PCDH15: variants seen among roughly 807,000 people sequenced by gnomAD.
The protein encoded by PCDH15 is protocadherin related 15.
In PCDH15, 129 loss-of-function variants were observed where a neutral mutation model predicts 178.5. The ratio of observed to expected loss-of-function variants is 0.72; its 90% CI spans 0.63 to 0.84. The LOEUF (loss-of-function observed/expected upper bound fraction) is 0.84, where lower values mean the gene tolerates loss of function less well. PCDH15 is among the 40% of genes least tolerant of loss of function. The pLI is 0.00. For synonymous variants in PCDH15, 800 were observed against 732.0 expected, an observed-to-expected ratio of 1.09 and a Z score of -1.50; for missense variants, 2,230 against 2,099.9, an observed-to-expected ratio of 1.06 and a Z score of -1.21.
chr10:54,703,113 A>G (rs1243635985), intron 1 of PCDH15, among the ~76,000 whole-genome samples: 1 of 152,102 alleles, frequency 6.6e-6, no homozygotes, highest in Admixed American at 6.6e-5. Flanking sequence ...CATCAACATA[A>G]TTCACAACAA....
intron 25 of PCDH15, among the ~76,000 whole-genome samples, chr10:53,924,553 G>A (rs1429154960): frequency 6.6e-6 from 1 of 152,252 alleles, no homozygotes; most frequent in African/African-American, 2.4e-5. Flanking sequence ...CCCAAGGGCT[G>A]AGGAGTGCGG....
intron 2 of PCDH15, among the ~76,000 whole-genome samples, chr10:55,001,929 G>A (rs1263097402): frequency 6.6e-6 from 1 of 152,184 alleles, no homozygotes; most frequent in Non-Finnish European, 1.5e-5. Flanking sequence ...TATTCAAATG[G>A]ATTAAGTAGT....
chr10:55,061,534 G>A (rs1841431915), intron 2 of PCDH15, among the ~76,000 whole-genome samples: 1 of 152,102 alleles, frequency 6.6e-6, no homozygotes, highest in Non-Finnish European at 1.5e-5. Context: ...GTATGATCTA[G>A]CAATCACACT....
At chr10:54,672,754 T>C (rs2094699472) in intron 1 of PCDH15, among the ~76,000 whole-genome samples, 1 of 152,132 alleles carries the variant, frequency 6.6e-6, no homozygotes. Context: ...ATATGATCAA[T>C]TATATACAAT....
intron 2 of PCDH15, among the ~76,000 whole-genome samples, chr10:55,504,097 G>A (rs184758518): frequency 1.2e-3 from 183 of 151,400 alleles, no homozygotes; most frequent in African/African-American, 4.2e-3. Context: ...ATGAATACAT[G>A]TTATACCTTT....
At chr10:54,535,204 TTG>T (rs2084344763) in intron 2 of PCDH15, among the ~76,000 whole-genome samples, 2 of 152,186 alleles carry the variant, frequency 1.3e-5, no homozygotes, top group African/African-American at 4.8e-5. Context: ...TAAAACAACA[TTG>T]TCTAGTAATA....
At chr10:55,152,179 A>T (rs1838744337) in intron 2 of PCDH15, among the ~76,000 whole-genome samples, 1 of 152,148 alleles carries the variant, frequency 6.6e-6, no homozygotes, top group Admixed American at 6.6e-5. Flanking sequence ...AAAGTAATAT[A>T]TTTCATAAAC....
chr10:55,083,020 G>A (rs1376592296), intron 2 of PCDH15, among the ~76,000 whole-genome samples: 2 of 151,762 alleles, frequency 1.3e-5, no homozygotes, highest in African/African-American at 4.8e-5. Flanking sequence ...AAATGAAAGA[G>A]TTCAGAATAC....
intron 13 of PCDH15, 140 bp downstream of exon 13, chr10:54,183,304 A>G: frequency 3.5e-6 from 3 of 859,628 alleles, no homozygotes; most frequent in South Asian, 1.4e-5. Flanking sequence ...ACAGAAATTT[A>G]AAGCTATTTA....
intron 2 of PCDH15, among the ~76,000 whole-genome samples, chr10:54,638,973 G>C (rs2134893950): frequency 6.6e-6 from 1 of 152,192 alleles, no homozygotes; most frequent in Non-Finnish European, 1.5e-5. Flanking sequence ...TCACTTGTAA[G>C]TGGAAGCTAA....
chr10:54,702,539 A>G (rs4935544), intron 1 of PCDH15, among the ~76,000 whole-genome samples: 9,381 of 111,808 alleles, frequency 0.084, 436 homozygotes, highest in Non-Finnish European at 0.12. Context: ...ATTCCACAGA[A>G]ATACAAAAAA....
Position 54,214,307 on chromosome 10 carries a change from T to A in PCDH15, c.986-259A>T, listed in dbSNP as rs2384421. On this transcript the variant is annotated intron_variant, in intron 9 of 37. Coordinates refer to ENST00000644397, the MANE Select transcript of PCDH15 (RefSeq NM_001384140.1). ...TTAAGAGGGCTCTAATTAATTTGAA[T>A]CTTCATCACATGAAAATAGACATTA... Among the ~76,000 whole-genome samples, 137,786 of 152,144 alleles carry A rather than the reference T, an allele frequency of 0.91. 62,597 individuals carry two copies. The highest frequency in any genetic ancestry group is 0.98 in the East Asian group (5,067 of 5,166).
At chr10:55,564,775 C>A (rs1203031390) in intron 2 of PCDH15, among the ~76,000 whole-genome samples, 4 of 151,146 alleles carry the variant, frequency 2.6e-5, no homozygotes, top group African/African-American at 9.7e-5. Flanking sequence ...CAAAGGAGGA[C>A]ATAATATATT....
At chr10:54,421,584 A>G (rs952276147) in intron 3 of PCDH15, among the ~76,000 whole-genome samples, 1 of 144,916 alleles carries the variant, frequency 6.9e-6, no homozygotes, top group Admixed American at 7.1e-5. Flanking sequence ...TACAAACTAC[A>G]TACCTGCCTA....
At chr10:54,183,697 T>C (rs1019181217) in intron 12 of PCDH15, 104 bp from the exon 13 acceptor site, 2 of 1,330,764 alleles carry the variant, frequency 1.5e-6, no homozygotes, top group African/African-American at 1.4e-5. Context: ...AATCTTACAA[T>C]TTGAAAGGGT....
At chr10:54,371,349 A>G (rs1463021510) in intron 4 of PCDH15, among the ~76,000 whole-genome samples, 1 of 151,840 alleles carries the variant, frequency 6.6e-6, no homozygotes, top group African/African-American at 2.4e-5. Flanking sequence ...CATACTGTAC[A>G]TTAATTAATA....
intron 3 of PCDH15, among the ~76,000 whole-genome samples, chr10:54,517,589 T>G (rs1397683301): frequency 6.6e-6 from 1 of 152,020 alleles, no homozygotes; most frequent in Non-Finnish European, 1.5e-5. Flanking sequence ...CAAAGAGACT[T>G]AGACTCCCAC....
At chr10:54,336,426 T>C (rs796304039) in intron 6 of PCDH15, among the ~76,000 whole-genome samples, 3 of 152,260 alleles carry the variant, frequency 2.0e-5, no homozygotes, top group African/African-American at 7.2e-5. Flanking sequence ...AGCGGTTTCA[T>C]GGGCCAGGTC....
intron 26 of PCDH15, among the ~76,000 whole-genome samples, chr10:53,891,498 A>C (rs1260170444): frequency 1.3e-5 from 2 of 152,188 alleles, no homozygotes; most frequent in East Asian, 3.8e-4. Context: ...AATTTCTAAT[A>C]CTGCTAGAGT....
Sources: gnomAD v4.1 joint callset for allele counts (sites outside exome capture counted in the v4.1 genomes callset) on GRCh38, gnomAD v4.1.1 for gene constraint, MANE v1.5 for transcripts, NCBI Gene and HGNC (gene_info 2026-07-23, HGNC 2026-07-21) for gene names.